Variants in SLC35F4 observed in about 807,000 individuals in gnomAD.
The protein encoded by SLC35F4 is chromosome 14 open reading frame 36.
Under a neutral mutation model 44.2 loss-of-function variants are expected in SLC35F4, and 24 were observed. The observed-to-expected ratio is 0.54, with a 90% CI of 0.39 to 0.76. The LOEUF (loss-of-function observed/expected upper bound fraction) is 0.76. SLC35F4 is among the 30% of genes least tolerant of loss of function. SLC35F4 has a pLI of 0.00. For synonymous variants in SLC35F4, 238 were observed against 223.6 expected (o/e 1.06, Z -0.57); for missense variants, 562 against 586.1 (o/e 0.96, Z 0.42).
At position 57,781,397 on chromosome 14, in the gene SLC35F4, TA is replaced by T. The variant is rs1232923587; in HGVS notation, c.103+84325del. ...TCACACCACTAAAAATGGCTATTAT[TA>T]AAAAATCAAGAAATAACAGATACTG... On this transcript the variant is annotated intron_variant, in intron 1 of 7. Transcript: ENST00000556826. Among the ~76,000 whole-genome samples, 4 of 152,120 alleles carry T rather than the reference TA, an allele frequency of 2.6e-5. No individual in the cohort carries two copies. In the East Asian group the frequency reaches 5.8e-4, roughly 22 times the overall value.
chr14:57,798,787 C>T (rs991406840), intron 1 of SLC35F4, among the ~76,000 whole-genome samples: 1 of 152,188 alleles, frequency 6.6e-6, no homozygotes, highest in Non-Finnish European at 1.5e-5. Context: ...ACGTCCTGCT[C>T]AGCCAACTTT....
At position 57,865,989 on chromosome 14, in the gene SLC35F4, A is replaced by AGCGGCAGCGGCGGCGGCGGCG. The variant is rs1555398709; in HGVS notation, c.-165_-164insCGCCGCCGCCGCCGCTGCCGC. On this transcript the variant is annotated 5_prime_UTR_variant, in exon 1 of 8. Transcript: ENST00000556826. ...CGGCGCAGCACCGGCTCCGCATCACAGCGGCGGCGGCGGCGGCGGCGGCGG... is the reference window on the plus strand; with the variant it reads ...CGGCGCAGCACCGGCTCCGCATCACAGCGGCAGCGGCGGCGGCGGCGGCGGCGGCGGCGGCGGCGGCGGCGG... The AGCGGCAGCGGCGGCGGCGGCG allele has an allele frequency of 7.2e-5, 27 of 373,324 alleles. No individual in the cohort carries two copies. The highest frequency in any genetic ancestry group is 5.5e-4 in the African/African-American group (25 of 45,746). The allele number at this position is 373,324 out of a possible 1,614,324, so 23.1% of individuals were successfully genotyped here.
At chr14:57,724,321 G>C (rs2076153000) in intron 1 of SLC35F4, among the ~76,000 whole-genome samples, 1 of 152,286 alleles carries the variant, frequency 6.6e-6, no homozygotes, top group South Asian at 2.1e-4. Context: ...TCACAGTGGA[G>C]GCCTCTAGGA....
chr14:57,755,759 T>G (rs1330620663), intron 1 of SLC35F4, among the ~76,000 whole-genome samples: 2 of 152,196 alleles, frequency 1.3e-5, no homozygotes, highest in Non-Finnish European at 2.9e-5. Flanking sequence ...ACAAACATTG[T>G]CTTATTTGAC....
At chr14:57,819,575 G>A (rs963530968) in intron 1 of SLC35F4, among the ~76,000 whole-genome samples, 12 of 151,876 alleles carry the variant, frequency 7.9e-5, no homozygotes, top group Admixed American at 5.2e-4. Context: ...GGGGACCTAG[G>A]CAGGCAGATC....
At chr14:57,771,688 G>A (rs2077368780) in intron 1 of SLC35F4, among the ~76,000 whole-genome samples, 1 of 152,082 alleles carries the variant, frequency 6.6e-6, no homozygotes, top group Non-Finnish European at 1.5e-5. Context: ...CTGCCTTCTG[G>A]GCTTGAGTGA....
intron 1 of SLC35F4, among the ~76,000 whole-genome samples, chr14:57,819,454 A>G (rs960710083): frequency 6.6e-6 from 1 of 152,156 alleles, no homozygotes; most frequent in African/African-American, 2.4e-5. Context: ...AGTTGATTCC[A>G]TAATGCATAA....
chr14:57,838,674 T>C (rs1426185209), intron 1 of SLC35F4, among the ~76,000 whole-genome samples: 4 of 152,152 alleles, frequency 2.6e-5, no homozygotes, highest in African/African-American at 9.7e-5. Flanking sequence ...AAGATACAAG[T>C]AGCACGTGAT....
intron 1 of SLC35F4, among the ~76,000 whole-genome samples, chr14:57,953,695 T>G (rs559568260): frequency 8.9e-4 from 135 of 152,202 alleles, no homozygotes; most frequent in African/African-American, 3.2e-3. Context: ...ATTACATAAT[T>G]GTAAAGGTAT....
At chr14:57,796,705 A>G (rs2078061317) in intron 1 of SLC35F4, among the ~76,000 whole-genome samples, 3 of 152,226 alleles carry the variant, frequency 2.0e-5, no homozygotes, top group Non-Finnish European at 4.4e-5. Flanking sequence ...CACATGCAGA[A>G]TGAAATAAGT....
intron 1 of SLC35F4, among the ~76,000 whole-genome samples, chr14:57,659,875 C>A (rs1047014698): frequency 2.2e-4 from 34 of 152,098 alleles, no homozygotes; most frequent in African/African-American, 7.7e-4. Context: ...TATGACAGAG[C>A]AGATCTGGTG....
intron 1 of SLC35F4, among the ~76,000 whole-genome samples, chr14:57,836,170 C>A (rs1400217424): frequency 6.6e-6 from 1 of 152,176 alleles, no homozygotes; most frequent in Admixed American, 6.5e-5. Flanking sequence ...AGTAGTTTAA[C>A]TAATGACTTA....
chr14:57,787,845 CA>C (rs1197284237), intron 1 of SLC35F4, among the ~76,000 whole-genome samples: 2 of 152,140 alleles, frequency 1.3e-5, no homozygotes, highest in African/African-American at 4.8e-5. Context: ...AACAAAAATA[CA>C]AGTTAAAAAG....
intron 1 of SLC35F4, among the ~76,000 whole-genome samples, chr14:57,799,689 T>C (rs908359517): frequency 6.6e-6 from 1 of 152,162 alleles, no homozygotes; most frequent in Non-Finnish European, 1.5e-5. Flanking sequence ...AGAATACAAA[T>C]GGTCAAAACG....
chr14:57,777,774 CATAATA>C (rs755264303), intron 1 of SLC35F4, among the ~76,000 whole-genome samples: 2 of 151,434 alleles, frequency 1.3e-5, no homozygotes, highest in African/African-American at 4.9e-5. Context: ...GAACTTAAAG[CATAATA>C]ATAATAATAA....
intron 1 of SLC35F4, among the ~76,000 whole-genome samples, chr14:57,955,032 G>T (rs1054187016): frequency 6.8e-6 from 1 of 147,630 alleles, no homozygotes; most frequent in Admixed American, 6.8e-5. Context: ...ACAGCAACAC[G>T]AAAATCCTCA....
chr14:57,891,540 AATAAT>A lies in SLC35F4; in HGVS notation n.282+90368_282+90372del, dbSNP rs373952815. ...AATGTAGCTAACTCAGATTAGTAAG[AATAAT>A]ATAAGTACAGTAAATTTTAAATTTG... is the stretch of plus-strand genomic sequence containing the variant. On this transcript the variant is annotated intron_variant and non_coding_transcript_variant, in intron 1 of 1. Coordinates refer to the SLC35F4 transcript ENST00000556568. Among the ~76,000 whole-genome samples the A allele has an allele frequency of 2.5e-4, 38 of 152,254 alleles. 1 individual carries two copies. The East Asian group carries it at 5.2e-3, about 21-fold the overall frequency.
intron 1 of SLC35F4, among the ~76,000 whole-genome samples, chr14:57,966,009 G>A (rs897702267): frequency 6.6e-6 from 1 of 152,174 alleles, no homozygotes; most frequent in Non-Finnish European, 1.5e-5. Context: ...ACCCAGCAAT[G>A]TTTCTCAATG....
At chr14:57,805,171 G>C (rs1296788253) in intron 1 of SLC35F4, among the ~76,000 whole-genome samples, 3 of 152,188 alleles carry the variant, frequency 2.0e-5, no homozygotes, top group African/African-American at 7.2e-5. Context: ...CACTGTTGGT[G>C]GGAGTGTAAA....
Sources: allele counts gnomAD v4.1 joint callset (sites outside exome capture counted in the v4.1 genomes callset), GRCh38; gene constraint gnomAD v4.1.1; transcripts MANE v1.5; gene names NCBI Gene and HGNC (gene_info 2026-07-23, HGNC 2026-07-21).